The following CCDC102B variants were observed in gnomAD, a reference collection of about 807,000 sequenced individuals.
The protein encoded by CCDC102B is coiled-coil domain containing 102B, also known as coiled-coil domain-containing protein 102B.
CCDC102B carries 75 observed loss-of-function variants against 57.4 expected under a neutral mutation model. That is an observed-to-expected ratio of 1.31 (90% CI 1.08 to 1.58). The LOEUF is 1.58. Among genes scored for constraint, CCDC102B ranks in the 40% most tolerant of loss-of-function variants. CCDC102B has a pLI of 0.00. For missense variants in CCDC102B, 636 were observed against 582.6 expected (o/e 1.09, Z -0.94); for synonymous variants, 206 against 201.9 (o/e 1.02, Z -0.17).
At chr18:68,867,366 G>C (rs1488192723) in intron 4 of CCDC102B, among the ~76,000 whole-genome samples, 2 of 152,156 alleles carry the variant, frequency 1.3e-5, no homozygotes, top group African/African-American at 4.8e-5. Flanking sequence ...TCTGGGAATA[G>C]AAGCACTTAT....
intron 6 of CCDC102B, among the ~76,000 whole-genome samples, chr18:68,963,537 TC>T (rs1400529864): frequency 6.6e-6 from 1 of 151,856 alleles, no homozygotes; most frequent in African/African-American, 2.4e-5. Context: ...AACAGTATAT[TC>T]CCCATCCATC....
intron 2 of CCDC102B, among the ~76,000 whole-genome samples, chr18:68,766,658 T>C (rs1031344181): frequency 2.6e-5 from 4 of 152,202 alleles, no homozygotes; most frequent in African/African-American, 9.6e-5. Context: ...GAGTAATTCC[T>C]GAGTCTGGTG....
In CCDC102B at chr18:68,929,872, A is replaced by G. The variant is rs1045685915; in HGVS notation, c.1263+32444A>G. 2.0e-5 allele frequency among the ~76,000 whole-genome samples: 3 copies of G among 151,862 alleles called. No individual in the cohort carries two copies. The South Asian group carries it at 6.2e-4, about 31-fold the overall frequency. Reference sequence around the variant, plus strand: ...TATATATGCCTGTATGCATTTTGTAATGTATTTAAAATCACCAACTCTATC... The same window carrying G: ...TATATATGCCTGTATGCATTTTGTAGTGTATTTAAAATCACCAACTCTATC... On this transcript the variant is annotated intron_variant, in intron 6 of 7. Coordinates refer to ENST00000360242, the MANE Select transcript of CCDC102B (RefSeq NM_024781.3).
chr18:68,982,108 A>AT (rs2050600617), intron 6 of CCDC102B, among the ~76,000 whole-genome samples: 1 of 151,996 alleles, frequency 6.6e-6, no homozygotes, highest in Non-Finnish European at 1.5e-5. Context: ...TGAGACATCA[A>AT]TCCTGTCTGT....
At chr18:68,818,344 A>G (rs749965962) in intron 1 of CCDC102B, among the ~76,000 whole-genome samples, 2 of 152,232 alleles carry the variant, frequency 1.3e-5, no homozygotes, top group Non-Finnish European at 2.9e-5. Context: ...TAGTATTTGT[A>G]AAGACAGTAC....
At chr18:68,828,127 T>C (rs143073599) in intron 1 of CCDC102B, among the ~76,000 whole-genome samples, 4 of 151,834 alleles carry the variant, frequency 2.6e-5, no homozygotes, top group East Asian at 1.9e-4. Context: ...GGAATTATAG[T>C]TGAGGATTTC....
At chr18:68,985,831 T>A (rs2050708579) in intron 6 of CCDC102B, among the ~76,000 whole-genome samples, 1 of 152,094 alleles carries the variant, frequency 6.6e-6, no homozygotes, top group South Asian at 2.1e-4. Flanking sequence ...GGAAATTGAT[T>A]TCTGTGCAAT....
At chr18:68,785,820 T>C (rs1164415004) in intron 2 of CCDC102B, among the ~76,000 whole-genome samples, 9 of 151,628 alleles carry the variant, frequency 5.9e-5, no homozygotes, top group East Asian at 1.9e-4. Context: ...TGTGCAGAAG[T>C]TCTTTAGTTT....
In CCDC102B at chr18:68,894,815, A is replaced by G. The variant is rs2145007277; in HGVS notation, c.1054-2404A>G. On this transcript the variant is annotated intron_variant, in intron 5 of 7. Transcript: ENST00000360242. ...TTTAAGCTTTGTTGTTGCTACTGCTAAAATCATTACTTAAAAAAAATCTTA... is the reference window on the plus strand; with the variant it reads ...TTTAAGCTTTGTTGTTGCTACTGCTGAAATCATTACTTAAAAAAAATCTTA... 1.3e-5 allele frequency among the ~76,000 whole-genome samples: 2 copies of G among 152,016 alleles called. 1 individual carries two copies. Among genetic ancestry groups the G allele is most frequent in the South Asian group, 4.1e-4 (2 of 4,828 alleles).
rs367680302 is a variant in CCDC102B at position 68,938,344 on chromosome 18, G to A, written c.1263+40916G>A. On this transcript the variant is annotated intron_variant, in intron 6 of 7. Transcript: ENST00000360242. ...AAAATTTTTAAATTCCCTGAGGGAT[G>A]AGGCCATGTTTTATACATTTTAGTA... Among the ~76,000 whole-genome samples the A allele has an allele frequency of 2.1e-3, 317 of 152,154 alleles. 2 individuals are homozygous for A. The highest frequency in any genetic ancestry group is 7.4e-3 in the African/African-American group (306 of 41,546).
At chr18:68,842,451 C>G (rs967391256) in intron 3 of CCDC102B, among the ~76,000 whole-genome samples, 3 of 152,108 alleles carry the variant, frequency 2.0e-5, no homozygotes, top group African/African-American at 7.2e-5. Flanking sequence ...AGAGTCTACA[C>G]CTGTGCATAG....
intron 6 of CCDC102B, among the ~76,000 whole-genome samples, chr18:68,999,567 C>T (rs935895458): frequency 6.6e-6 from 1 of 152,100 alleles, no homozygotes; most frequent in Non-Finnish European, 1.5e-5. Context: ...GATTGTGCCA[C>T]TGCACTCCAG....
intron 6 of CCDC102B, among the ~76,000 whole-genome samples, chr18:68,933,015 T>G (rs1486670668): frequency 6.6e-6 from 1 of 151,836 alleles, no homozygotes; most frequent in Non-Finnish European, 1.5e-5. Context: ...TGTTTTTAAA[T>G]CTGTTTCTGC....
At chr18:68,902,638 T>C (rs1048804124) in intron 6 of CCDC102B, among the ~76,000 whole-genome samples, 6 of 152,204 alleles carry the variant, frequency 3.9e-5, no homozygotes, top group African/African-American at 1.4e-4. Context: ...ATTGCTTGTT[T>C]ACCTGTTAGA....
intron 2 of CCDC102B, 67 bp from the exon 3 acceptor site, chr18:68,838,639 A>C: frequency 6.4e-7 from 1 of 1,557,980 alleles, no homozygotes; most frequent in Non-Finnish European, 8.7e-7. Context: ...TTTCTTTATG[A>C]AAATGTTTTG....
chr18:69,016,857 A>G (rs1366516689), intron 7 of CCDC102B, among the ~76,000 whole-genome samples: 1 of 152,148 alleles, frequency 6.6e-6, no homozygotes, highest in Admixed American at 6.6e-5. Context: ...TTTCTTAGCT[A>G]AATGATATAA....
At chr18:68,956,359 T>TATTAA (rs2049855493) in intron 6 of CCDC102B, among the ~76,000 whole-genome samples, 2 of 41,688 alleles carry the variant, frequency 4.8e-5, no homozygotes, top group Non-Finnish European at 4.8e-5. Context: ...TTAATATATA[T>TATTAA]AATATATATA....
chr18:68,951,267 G>A (rs540391720), intron 6 of CCDC102B, among the ~76,000 whole-genome samples: 43 of 152,250 alleles, frequency 2.8e-4, no homozygotes, highest in African/African-American at 9.9e-4. Context: ...TTGGGAAGCA[G>A]TTGACAGAAA....
chr18:68,931,633 C>G (rs1342113366), intron 6 of CCDC102B, among the ~76,000 whole-genome samples: 1 of 151,900 alleles, frequency 6.6e-6, no homozygotes, highest in East Asian at 1.9e-4. Flanking sequence ...TAAAAAGGCT[C>G]CTTGGGAAAA....
Sources: allele counts gnomAD v4.1 joint callset (sites outside exome capture counted in the v4.1 genomes callset), GRCh38; gene constraint gnomAD v4.1.1; transcripts MANE v1.5; gene names NCBI Gene and HGNC (gene_info 2026-07-23, HGNC 2026-07-21).